The following ARHGAP6 variants were observed in gnomAD, a reference collection of about 807,000 sequenced individuals.
The protein encoded by ARHGAP6 is Rho GTPase activating protein 6, also known as rho GTPase-activating protein 6.
Under a neutral mutation model 55.7 loss-of-function variants are expected in ARHGAP6, and 16 were observed. That is an observed-to-expected ratio of 0.29 (90% CI 0.19 to 0.44). The LOEUF (loss-of-function observed/expected upper bound fraction) is 0.44. ARHGAP6 is among the 20% of genes least tolerant of loss of function. The pLI is 1.00. For synonymous variants in ARHGAP6, 382 were observed against 360.9 expected (o/e 1.06, Z -0.66); for missense variants, 698 against 808.9 (o/e 0.86, Z 1.66).
intron 1 of ARHGAP6, among the ~76,000 whole-genome samples, chrX:11,540,638 C>G (rs2051148855): frequency 8.9e-6 from 1 of 112,055 alleles, no homozygotes; most frequent in African/African-American, 3.2e-5. Flanking sequence ...CCACCAGTGG[C>G]TTTCATTGTT....
At chrX:11,501,460 T>C (rs1019756579) in intron 1 of ARHGAP6, among the ~76,000 whole-genome samples, 13 of 111,550 alleles carry the variant, frequency 1.2e-4, no homozygotes, top group African/African-American at 3.9e-4. Context: ...CTCTAATACA[T>C]TGTTGGTTAG....
intron 1 of ARHGAP6, among the ~76,000 whole-genome samples, chrX:11,462,186 C>G (rs1235037395): frequency 1.8e-5 from 2 of 111,752 alleles, no homozygotes; most frequent in East Asian, 5.6e-4. Context: ...CCTTCTTGTG[C>G]TTTAGAAATA....
intron 1 of ARHGAP6, among the ~76,000 whole-genome samples, chrX:11,342,717 A>G (rs1381554817): frequency 8.9e-6 from 1 of 112,396 alleles, no homozygotes; most frequent in East Asian, 2.8e-4. Context: ...GGTAACACCT[A>G]ACTTTATACT....
At chrX:11,428,370 C>T (rs1162175017) in intron 1 of ARHGAP6, among the ~76,000 whole-genome samples, 1 of 111,728 alleles carries the variant, frequency 9.0e-6, no homozygotes, top group African/African-American at 3.3e-5. Context: ...GCTTGCAGGG[C>T]ACATTCTGTA....
intron 5 of ARHGAP6, among the ~76,000 whole-genome samples, chrX:11,185,638 A>G (rs1000351136): frequency 8.9e-6 from 1 of 112,373 alleles, no homozygotes; most frequent in African/African-American, 3.2e-5. Context: ...AGAAGTCTAA[A>G]TTTCAGAAAC....
At chrX:11,188,567 G>C (rs985727473) in intron 4 of ARHGAP6, among the ~76,000 whole-genome samples, 161 bp downstream of exon 4, 1 of 112,451 alleles carries the variant, frequency 8.9e-6, no homozygotes, top group African/African-American at 3.2e-5. Context: ...GGCTATGCAA[G>C]GTGCCACGTG....
intron 1 of ARHGAP6, among the ~76,000 whole-genome samples, chrX:11,456,948 G>A (rs1324228261): frequency 9.0e-6 from 1 of 111,636 alleles, no homozygotes; most frequent in East Asian, 2.8e-4. Flanking sequence ...GGTCTACTTA[G>A]AGGAACACAA....
intron 1 of ARHGAP6, among the ~76,000 whole-genome samples, chrX:11,423,817 C>A (rs1292526885): frequency 3.6e-5 from 4 of 111,612 alleles, no homozygotes; most frequent in Non-Finnish European, 7.5e-5. Flanking sequence ...GTATAATGGA[C>A]ACTGATTTGC....
At chrX:11,593,640 T>C (rs971315090) in intron 1 of ARHGAP6, among the ~76,000 whole-genome samples, 1 of 112,056 alleles carries the variant, frequency 8.9e-6, no homozygotes, top group African/African-American at 3.2e-5. Flanking sequence ...AGGTATCACT[T>C]TGGTGCAAAC....
intron 1 of ARHGAP6, among the ~76,000 whole-genome samples, chrX:11,479,480 T>G (rs12014754): frequency 0.029 from 3,229 of 111,627 alleles, 49 homozygotes; most frequent in Middle Eastern, 0.065. Context: ...ACATTCTGAT[T>G]ACAGGCTGGT....
At chrX:11,204,265 G>A (rs770965949) in intron 2 of ARHGAP6, among the ~76,000 whole-genome samples, 1 of 111,739 alleles carries the variant, frequency 8.9e-6, no homozygotes, top group South Asian at 3.8e-4. Context: ...TCTTCTCCAC[G>A]CAGCAATTCA....
chrX:11,634,667 A>C (rs1224537235), intron 1 of ARHGAP6, among the ~76,000 whole-genome samples: 1 of 112,305 alleles, frequency 8.9e-6, no homozygotes, highest in Non-Finnish European at 1.9e-5. Flanking sequence ...TCATATTTTC[A>C]GTAATTTTTA....
At chrX:11,515,684 T>C (rs1007277014) in intron 1 of ARHGAP6, among the ~76,000 whole-genome samples, 1 of 112,465 alleles carries the variant, frequency 8.9e-6, no homozygotes, top group Non-Finnish European at 1.9e-5. Flanking sequence ...AGATGTGTCA[T>C]TGTCGTGGGC....
intron 1 of ARHGAP6, among the ~76,000 whole-genome samples, chrX:11,614,077 C>T (rs2052134750): frequency 9.0e-6 from 1 of 110,731 alleles, no homozygotes; most frequent in Non-Finnish European, 1.9e-5. Context: ...ATGGCAAATT[C>T]AGTAAATAGG....
intron 1 of ARHGAP6, among the ~76,000 whole-genome samples, chrX:11,435,005 G>A (rs2049974690): frequency 8.9e-6 from 1 of 112,088 alleles, no homozygotes; most frequent in Admixed American, 9.4e-5. Flanking sequence ...CCTTATGAAG[G>A]TGGTTCTCAG....
At chrX:11,491,132 C>A (rs186926943) in intron 1 of ARHGAP6, among the ~76,000 whole-genome samples, 2 of 112,047 alleles carry the variant, frequency 1.8e-5, no homozygotes, top group Admixed American at 1.9e-4. Flanking sequence ...ATGCAATTTG[C>A]AGTGTATCAT....
intron 5 of ARHGAP6, among the ~76,000 whole-genome samples, chrX:11,183,319 A>G (rs1374394460): frequency 9.0e-6 from 1 of 111,620 alleles, no homozygotes; most frequent in Non-Finnish European, 1.9e-5. Context: ...CCCAAAATAT[A>G]CATGCTTATT....
chrX:11,550,269 C>T (rs1474432802), intron 1 of ARHGAP6, among the ~76,000 whole-genome samples: 1 of 111,666 alleles, frequency 9.0e-6, no homozygotes, highest in African/African-American at 3.3e-5. Context: ...CCGTTTATCA[C>T]CCTGTTATGC....
At chrX:11,654,201 T>C (rs2052614646) in intron 1 of ARHGAP6, among the ~76,000 whole-genome samples, 1 of 111,549 alleles carries the variant, frequency 9.0e-6, no homozygotes, top group Non-Finnish European at 1.9e-5. Context: ...CATCTATATC[T>C]GGGCCTCAAA....
Sources: allele counts gnomAD v4.1 joint callset (sites outside exome capture counted in the v4.1 genomes callset), GRCh38; gene constraint gnomAD v4.1.1; transcripts MANE v1.5; gene names NCBI Gene and HGNC (gene_info 2026-07-23, HGNC 2026-07-21).